The following GREB1 variants were observed in gnomAD, a reference collection of about 807,000 sequenced individuals.
The protein encoded by GREB1 is protein GREB1.
GREB1 carries 106 observed loss-of-function variants against 200.7 expected under a neutral mutation model. The observed-to-expected ratio is 0.53, with a 90% CI of 0.45 to 0.62. GREB1 has a LOEUF of 0.62. Ranked by LOEUF, GREB1 falls within the 20% of genes least tolerant of loss-of-function variation. GREB1 has a pLI of 0.00. For missense variants in GREB1, 2,243 were observed against 2,556.8 expected (o/e 0.88, Z 2.65); for synonymous variants, 1,132 against 1,092.4 (o/e 1.04, Z -0.72).
intron 11 of GREB1, 42 bp downstream of exon 11, chr2:11,593,168 G>C: frequency 7.5e-7 from 1 of 1,337,796 alleles, no homozygotes; most frequent in Non-Finnish European, 1.0e-6. Flanking sequence ...CCCCCTGAAC[G>C]GTGTTCCCGG....
intron 1 of GREB1, among the ~76,000 whole-genome samples, chr2:11,498,746 G>A (rs1405628643): frequency 6.6e-6 from 1 of 152,190 alleles, no homozygotes. Flanking sequence ...CTGACCCACG[G>A]GTGGAGCTGA....
At chr2:11,627,671 A>T (rs1205199770) in intron 25 of GREB1, among the ~76,000 whole-genome samples, 3 of 152,202 alleles carry the variant, frequency 2.0e-5, no homozygotes, top group African/African-American at 7.2e-5. Flanking sequence ...GAAAATATTT[A>T]TCCTGGACAC....
chr2:11,598,037 T>C (rs1167141221), intron 14 of GREB1, 59 bp downstream of exon 14: 2 of 1,225,926 alleles, frequency 1.6e-6, no homozygotes, highest in East Asian at 2.3e-5. Flanking sequence ...CCGAAATCCA[T>C]GTGTGGGTGT....
intron 23 of GREB1, among the ~76,000 whole-genome samples, chr2:11,624,150 T>C (rs1684238084): frequency 6.6e-6 from 1 of 151,440 alleles, no homozygotes; most frequent in Admixed American, 6.6e-5. Context: ...AAGAGGAGAG[T>C]GTCAAGTCTC....
At chr2:11,533,377 A>G (rs1674147423), upstream of GREB1, among the ~76,000 whole-genome samples, 1 of 152,184 alleles carries the variant, frequency 6.6e-6, no homozygotes, top group South Asian at 2.1e-4. Flanking sequence ...TAATCCTCAC[A>G]AAGTCAGCTT....
chr2:11,487,184 T>C (rs1453463562), intron 1 of GREB1, among the ~76,000 whole-genome samples: 2 of 152,244 alleles, frequency 1.3e-5, no homozygotes, highest in African/African-American at 4.8e-5. Context: ...TTTGTACTTT[T>C]AATGTTCTAA....
At position 11,618,823 on chromosome 2, in the gene GREB1, G is replaced by T. The variant is rs772335576; in HGVS notation, c.3948G>T (p.Thr1316=). 1.9e-6 allele frequency: 3 copies of T among 1,605,630 alleles called. No individual in the cohort carries two copies. The East Asian group carries it at 6.7e-5, about 36-fold the overall frequency. The change falls in exon 22 of 33, where the codon ACG becomes ACT. Residue 1316 remains threonine (T), a synonymous_variant. Coordinates refer to ENST00000381486, the MANE Select transcript of GREB1 (RefSeq NM_014668.4). The stretch of plus-strand genomic sequence containing the variant: ...AGTCCCTCTACTACCGGCAGTGGAC[G>T]GTGCCCCGGCCCAGCCACATGGACT... ...TEQSLYYRQW[T]VPRPSHMDYG...
chr2:11,524,538 T>G (rs1392967876), intron 1 of GREB1, among the ~76,000 whole-genome samples: 4 of 152,204 alleles, frequency 2.6e-5, no homozygotes, highest in African/African-American at 9.6e-5. Context: ...AATAACACTT[T>G]GATATTTTTG....
chr2:11,569,504 G>T (rs972185303), intron 4 of GREB1, among the ~76,000 whole-genome samples: 1 of 152,218 alleles, frequency 6.6e-6, no homozygotes, highest in African/African-American at 2.4e-5. Flanking sequence ...GGAGGATGTG[G>T]TATCTGAGTT....
intron 15 of GREB1, among the ~76,000 whole-genome samples, chr2:11,599,226 G>A (rs536664702): frequency 2.0e-5 from 3 of 152,302 alleles, no homozygotes; most frequent in South Asian, 4.1e-4. Flanking sequence ...AGCCATGCTG[G>A]TGTGGGGTGC....
chr2:11,577,172 C>T (rs1303346648), intron 5 of GREB1, among the ~76,000 whole-genome samples: 4 of 152,216 alleles, frequency 2.6e-5, no homozygotes, highest in African/African-American at 4.8e-5. Flanking sequence ...GATCCTCAAC[C>T]ATGGGTGACT....
intron 6 of GREB1, 106 bp downstream of exon 6, chr2:11,578,537 G>T: frequency 1.7e-6 from 2 of 1,191,438 alleles, no homozygotes; most frequent in Middle Eastern, 2.4e-4. Context: ...ATAAATCAGG[G>T]GGCTGTTATC....
rs544315463 is a variant in GREB1 at position 11,623,966 on chromosome 2, A to T, written c.4148-1188A>T. Among the ~76,000 whole-genome samples, 9 of 150,746 alleles carry T rather than the reference A, an allele frequency of 6.0e-5. No homozygotes were observed. In the South Asian group the frequency reaches 1.2e-3, roughly 21 times the overall value. ...AAAATATTAAGCTCATAGAATAAGG[A>T]TATCAAGAAAGAAGACATTTTTGAT... is the stretch of plus-strand genomic sequence containing the variant. On this transcript the variant is annotated intron_variant, in intron 23 of 32. Transcript: ENST00000381486.
chr2:11,576,253 G>T, intron 4 of GREB1, 100 bp from the exon 5 acceptor site: 1 of 923,632 alleles, frequency 1.1e-6, no homozygotes, highest in Non-Finnish European at 1.7e-6. Flanking sequence ...GTTGCAGCGA[G>T]CCGAGATCGC....
chr2:11,483,233 CGTGTGCGTGTATGGGT>C (rs535666103), intron 1 of GREB1, among the ~76,000 whole-genome samples: 219 of 146,846 alleles, frequency 1.5e-3, no homozygotes, highest in African/African-American at 5.4e-3. Flanking sequence ...GGTGTGCGTG[CGTGTGCGTGTATGGGT>C]GTGCGTGTGT....
At chr2:11,526,757 C>A (rs1261102094) in intron 1 of GREB1, among the ~76,000 whole-genome samples, 1 of 151,994 alleles carries the variant, frequency 6.6e-6, no homozygotes, top group Admixed American at 6.6e-5. Context: ...GGAGTTTCCC[C>A]ATGTTGGCCA....
intron 2 of GREB1, among the ~76,000 whole-genome samples, chr2:11,558,528 A>G (rs1021776260): frequency 7.9e-5 from 12 of 152,186 alleles, no homozygotes; most frequent in East Asian, 1.9e-4. Context: ...AACAAGCCCT[A>G]TGATTTTCCC....
chr2:11,586,171 T>C (rs1680067420), intron 9 of GREB1, among the ~76,000 whole-genome samples: 1 of 152,216 alleles, frequency 6.6e-6, no homozygotes, highest in Admixed American at 6.5e-5. Context: ...TCTATTTGCC[T>C]GTTCACTCAT....
intron 1 of GREB1, among the ~76,000 whole-genome samples, chr2:11,544,405 G>A (rs561869837): frequency 1.6e-4 from 25 of 152,010 alleles, no homozygotes; most frequent in East Asian, 9.7e-4. Context: ...TTTTGTAGAG[G>A]CAGGGTTTCA....
Sources: gnomAD v4.1 joint callset for allele counts (sites outside exome capture counted in the v4.1 genomes callset) on GRCh38, gnomAD v4.1.1 for gene constraint, MANE v1.5 for transcripts, NCBI Gene and HGNC (gene_info 2026-07-23, HGNC 2026-07-21) for gene names.